WRAP73: variants seen among roughly 807,000 people sequenced by gnomAD.
WRAP73 encodes the protein WD repeat containing, antisense to TP73, also known as WD repeat-containing protein WRAP73.
In WRAP73, 55 loss-of-function variants were observed where a neutral mutation model predicts 59.6. The ratio of observed to expected loss-of-function variants is 0.92; its 90% CI spans 0.74 to 1.15. The LOEUF (loss-of-function observed/expected upper bound fraction) is 1.15. Ranked by LOEUF, WRAP73 falls within the 50% of genes most tolerant of loss-of-function variation. The pLI is 0.00. For missense variants in WRAP73, 592 were observed against 608.1 expected, an observed-to-expected ratio of 0.97 and a Z score of 0.28; for synonymous variants, 265 against 258.2, an observed-to-expected ratio of 1.03 and a Z score of -0.25.
intron 4 of WRAP73, 146 bp from the exon 5 acceptor site, chr1:3,637,244 G>C: frequency 1.5e-6 from 1 of 687,412 alleles, no homozygotes; most frequent in Non-Finnish European, 2.5e-6. Flanking sequence ...CTGCTCCTCA[G>C]ACAGACAAGA....
rs372984749 is a variant in WRAP73, at chr1:3,646,685, A to T, written c.320T>A (p.Leu107His). Residue 107 changes from leucine (L) to histidine (H), a missense_variant, in exon 3 of 12, where the codon CTC becomes CAC. By Grantham distance (99) the Leu-to-His change is moderately conservative (BLOSUM62 -3). Coordinates refer to ENST00000270708, the MANE Select transcript of WRAP73 (RefSeq NM_017818.4). This position sits in a 1 kb window ranked among gnomAD's most constrained non-coding sequence, Gnocchi z 5.1. ...SCWSPDGRHI[L>H]NTTEFHLRIT... ...ACTTACATGGAATTCCGTGGTGTTG[A>T]GAATGTGGCGCCCGTCCGGGCTCCA... The T allele has an allele frequency of 6.2e-7, 1 of 1,603,194 alleles. No homozygotes were observed. The highest frequency in any genetic ancestry group is 8.5e-7 in the Non-Finnish European group (1 of 1,172,476).
intron 6 of WRAP73, 103 bp from the exon 7 acceptor site, chr1:3,635,397 G>C (rs1052125807): frequency 6.6e-7 from 1 of 1,515,762 alleles, no homozygotes; most frequent in Non-Finnish European, 9.0e-7. Context: ...ATAGCACAAA[G>C]CTGGCAGGAC....
At chr1:3,631,945 A>C in intron 10 of WRAP73, 4 of 1,393,240 alleles carry the variant, frequency 2.9e-6, no homozygotes, top group Non-Finnish European at 3.7e-6. Context: ...GGCGGGCTGC[A>C]GTGTGCCCAG....
rs753339132 is a variant in WRAP73 at position 3,630,987 on chromosome 1, G to A, written c.1371C>T (p.Gly457=). ...TAGTGCACCGCTGCTACGTGTGGCC[G>A]CCCAGCTGTCTGCAGGCTGTGCCGA... ...AVVGTACRQL[G]GHT is the part of the protein sequence containing the mutation. Residue 457 remains glycine (G), a synonymous_variant, in exon 12 of 12, where the codon GGC becomes GGT. Transcript: ENST00000270708. 3.1e-6 allele frequency: 5 copies of A among 1,612,770 alleles called. No individual in the cohort carries two copies. Among genetic ancestry groups the A allele is most frequent in the East Asian group, 4.5e-5 (2 of 44,886 alleles).
At chr1:3,636,204 G>A (rs981041043) in intron 5 of WRAP73, 174 bp from the exon 6 acceptor site, 9 of 620,692 alleles carry the variant, frequency 1.4e-5, no homozygotes, top group Non-Finnish European at 2.3e-5. Context: ...TGCTGGGGCT[G>A]CACCGCCACA....
chr1:3,631,848 G>T, intron 10 of WRAP73, 191 bp from the exon 11 acceptor site: 8 of 1,408,438 alleles, frequency 5.7e-6, no homozygotes, highest in Non-Finnish European at 7.4e-6. Flanking sequence ...TGGCCATCAC[G>T]GGCTGTAAGG....
At chr1:3,633,577 C>A in intron 8 of WRAP73, 74 bp from the exon 9 acceptor site, 1 of 1,141,118 alleles carries the variant, frequency 8.8e-7, no homozygotes, top group South Asian at 1.6e-5. Flanking sequence ...GGCAAATGCC[C>A]ATGACAGCGC....
At chr1:3,642,504 C>T (rs545484864) in intron 3 of WRAP73, among the ~76,000 whole-genome samples, 1 of 151,934 alleles carries the variant, frequency 6.6e-6, no homozygotes, top group South Asian at 2.1e-4. Context: ...TTTGGGAGGC[C>T]GAGGCAGGCA....
intron 1 of WRAP73, among the ~76,000 whole-genome samples, chr1:3,648,963 G>A (rs1284094908): frequency 1.3e-5 from 2 of 152,310 alleles, no homozygotes; most frequent in Admixed American, 6.5e-5. Flanking sequence ...ACTCTCAAAA[G>A]CTAGACAGAG....
chr1:3,646,632 A>G lies in WRAP73; in HGVS notation c.339+34T>C. 6.4e-7 allele frequency: 1 copy of G among 1,555,154 alleles called. No homozygotes were observed. The highest frequency in any genetic ancestry group is 8.8e-7 in the Non-Finnish European group (1 of 1,136,898). ...TTTCGAGAGCAGAGGACAGGATCAC[A>G]TGGCCAGTAAGGTGTCTTGGGGCTG... is the stretch of plus-strand genomic sequence containing the variant. On this transcript the variant is annotated intron_variant, in intron 3 of 11. Transcript: ENST00000270708. This position sits in a 1 kb window ranked among gnomAD's most constrained non-coding sequence, Gnocchi z 5.1.
rs767261858 is a variant in WRAP73 at position 3,631,551 on chromosome 1, C to A, written c.1155G>T (p.Gln385His). 6.2e-7 allele frequency: 1 copy of A among 1,611,396 alleles called. No homozygotes were observed. The highest frequency in any genetic ancestry group is 1.1e-5 in the South Asian group (1 of 90,858). The stretch of plus-strand genomic sequence containing the variant: ...CTCCCGTGCAGATGGCCAGCCGCGG[C>A]TGCTGCGGGTCCCACTGAAATGCGC... ...PVRAFQWDPQ[Q>H]PRLAICTGGS... Residue 385 changes from glutamine (Q) to histidine (H), a missense_variant, in exon 11 of 12, where the codon CAG becomes CAT. By Grantham distance (24) the Gln-to-His change is conservative. Transcript: ENST00000270708.
chr1:3,631,553 G>A lies in WRAP73; in HGVS notation c.1153C>T (p.Gln385Ter). Residue 385 changes from glutamine to a stop codon, truncating the protein, a stop_gained, in exon 11 of 12, where the codon CAG becomes TAG. Coordinates refer to ENST00000270708, the MANE Select transcript of WRAP73 (RefSeq NM_017818.4). LOFTEE classifies it high-confidence loss of function. ...PVRAFQWDPQ[Q>*]PRLAICTGGS... ...CCCGTGCAGATGGCCAGCCGCGGCT[G>A]CTGCGGGTCCCACTGAAATGCGCGC... 6.2e-7 allele frequency: 1 copy of A among 1,611,444 alleles called. No individual in the cohort carries two copies. The highest frequency in any genetic ancestry group is 8.5e-7 in the Non-Finnish European group (1 of 1,179,686).
Position 3,631,385 on chromosome 1 carries a change from G to A in WRAP73, c.1240+81C>T, listed in dbSNP as rs558821812. The A allele has an allele frequency of 1.6e-4, 235 of 1,497,302 alleles. 2 individuals are homozygous for A. The South Asian group carries it at 2.8e-3, about 18-fold the overall frequency. The allele number at this position is 1,497,302 out of a possible 1,614,324, so 92.8% of individuals were successfully genotyped here. ...TGGAGTGCTGCCGGAGACAGCAGCT[G>A]GGCTTCAACAGTTCAGCCCGTGTGA... On this transcript the variant is annotated intron_variant, in intron 11 of 11. Coordinates refer to ENST00000270708, the MANE Select transcript of WRAP73 (RefSeq NM_017818.4).
intron 4 of WRAP73, 115 bp downstream of exon 4, chr1:3,638,635 G>A: frequency 9.2e-7 from 1 of 1,083,350 alleles, no homozygotes; most frequent in East Asian, 2.4e-5. Context: ...GCCCAAGGGG[G>A]TTGGCTATGT....
rs145375547 is a variant in WRAP73, at chr1:3,631,044, G to A, written c.1314C>T (p.Phe438=). 3.1e-6 allele frequency: 5 copies of A among 1,613,118 alleles called. No homozygotes were observed. Among genetic ancestry groups the A allele is most frequent in the Non-Finnish European group, 4.2e-6 (5 of 1,180,042 alleles). The change falls in exon 12 of 12, where the codon TTC becomes TTT. Residue 438 remains phenylalanine (F), a synonymous_variant. Transcript: ENST00000270708. The part of the protein sequence containing the change: ...DSMALLSKDH[F]CLCFLETEAV... ...CCTCTGTCTCCAGGAAGCAGAGGCA[G>A]AAGTGATCCTTGCTGAGGAGGGCCA...
Position 3,631,514 on chromosome 1 carries a change from A to G in WRAP73, c.1192T>C (p.Tyr398His). Reference sequence around the variant, plus strand: ...ATGCAGCCCGCTGGGGACCACAGGTAGAGCCTGCTGCCTCCCGTGCAGATG... The same window carrying G: ...ATGCAGCCCGCTGGGGACCACAGGTGGAGCCTGCTGCCTCCCGTGCAGATG... ...LAICTGGSRL[Y>H]LWSPAGCMSV... Residue 398 changes from tyrosine (Y) to histidine (H), a missense_variant, in exon 11 of 12, where the codon TAC becomes CAC. Tyr to His is a moderately conservative substitution (Grantham distance 83). Transcript: ENST00000270708. 1 of 1,609,898 alleles carries G rather than the reference A, an allele frequency of 6.2e-7. No homozygotes were observed. The highest frequency in any genetic ancestry group is 1.1e-5 in the South Asian group (1 of 90,388).
rs375432272 is a variant in WRAP73 at position 3,650,067 on chromosome 1, C to A, written c.-68G>T. The stretch of plus-strand genomic sequence containing the variant: ...GCGGGACCCCTGGGCGCGCAGCAGG[C>A]TGCAACAGCCGACGCCGGCCTCCGA... On this transcript the variant is annotated 5_prime_UTR_variant, in exon 1 of 12. Coordinates refer to ENST00000270708, the MANE Select transcript of WRAP73 (RefSeq NM_017818.4). 31,015 of 465,648 alleles carry A rather than the reference C, an allele frequency of 0.067. 415 individuals carry two copies. Among genetic ancestry groups the A allele is most frequent in the Non-Finnish European group, 0.084 (27,177 of 322,696 alleles). The allele number at this position is 465,648 out of a possible 1,614,324, so 28.8% of individuals were successfully genotyped here.
chr1:3,647,490 C>A lies in WRAP73; in HGVS notation c.140G>T (p.Cys47Phe). 2 of 1,613,970 alleles carry A rather than the reference C, an allele frequency of 1.2e-6. No individual in the cohort carries two copies. The highest frequency in any genetic ancestry group is 1.7e-6 in the Non-Finnish European group (2 of 1,179,940). ...NTLQILQLYT[C>F]LDQIQHIEWS... is the part of the protein sequence containing the mutation. ...CTCGATGTGCTGGATCTGGTCTAGGCACGTGTACAGCTGAAGGATCTGAAG... is the reference window on the plus strand; with the variant it reads ...CTCGATGTGCTGGATCTGGTCTAGGAACGTGTACAGCTGAAGGATCTGAAG... Residue 47 changes from cysteine to phenylalanine, a missense_variant, in exon 2 of 12, where the codon TGC (cysteine) becomes TTC (phenylalanine). Coordinates refer to ENST00000270708, the MANE Select transcript of WRAP73 (RefSeq NM_017818.4).
intron 9 of WRAP73, chr1:3,633,083 G>A (rs985558904): frequency 1.4e-4 from 47 of 338,038 alleles, no homozygotes; most frequent in Non-Finnish European, 5.6e-5. Context: ...CACTCTGAGC[G>A]CCACCCACGG....
Sources: gnomAD v4.1 joint callset for allele counts (sites outside exome capture counted in the v4.1 genomes callset) on GRCh38, gnomAD v4.1.1 for gene constraint, Gnocchi (gnomAD v3.1) non-coding constraint, MANE v1.5 for transcripts, NCBI Gene and HGNC (gene_info 2026-07-23, HGNC 2026-07-21) for gene names.